Variants in UGT3A1 observed in about 807,000 individuals in gnomAD.
The protein encoded by UGT3A1 is UDP glycosyltransferase family 3 member A1.
UGT3A1 carries 40 observed loss-of-function variants against 37.6 expected under a neutral mutation model. The ratio of observed to expected loss-of-function variants is 1.06; its 90% CI spans 0.83 to 1.38. The LOEUF is 1.38. UGT3A1 is among the 40% of genes most tolerant of loss of function. The pLI is 0.00. For synonymous variants in UGT3A1, 256 were observed against 232.3 expected (o/e 1.10, Z -0.93); for missense variants, 642 against 634.2 (o/e 1.01, Z -0.13).
rs114126964 is a variant in UGT3A1, at chr5:35,973,304, T to C, written c.197-5171A>G. On this transcript the variant is annotated intron_variant, in intron 2 of 6. Transcript: ENST00000274278. ...AAAGGTTACCCATAAGAAGGTTCAC[T>C]ATACACCAAAAGAACAATATGTATG... Among the ~76,000 whole-genome samples, 441 of 152,286 alleles carry C rather than the reference T, an allele frequency of 2.9e-3. 2 individuals are homozygous for C. The highest frequency in any genetic ancestry group is 0.01 in the African/African-American group (430 of 41,550).
intron 4 of UGT3A1, among the ~76,000 whole-genome samples, chr5:35,959,517 A>G (rs1739492255): frequency 6.6e-6 from 1 of 152,234 alleles, no homozygotes; most frequent in Non-Finnish European, 1.5e-5. Flanking sequence ...CTTTCAATTT[A>G]AAACAGGAAA....
chr5:35,967,330 A>C (rs981657096), intron 3 of UGT3A1, among the ~76,000 whole-genome samples: 7 of 152,222 alleles, frequency 4.6e-5, no homozygotes, highest in Admixed American at 2.0e-4. Context: ...AGAATTTTCA[A>C]GGAAAGCAAA....
At chr5:35,970,444 C>T (rs1042121015) in intron 2 of UGT3A1, among the ~76,000 whole-genome samples, 4 of 150,744 alleles carry the variant, frequency 2.7e-5, no homozygotes, top group Admixed American at 6.6e-5. Flanking sequence ...ATCACAAGAA[C>T]GGCACAGGAA....
chr5:35,998,406 C>A (rs1356017675), intron 1 of UGT3A1, among the ~76,000 whole-genome samples: 4 of 152,210 alleles, frequency 2.6e-5, no homozygotes, highest in African/African-American at 9.6e-5. Context: ...TACCCCCTTA[C>A]CATTTTTGTG....
upstream of UGT3A1, among the ~76,000 whole-genome samples, chr5:35,993,499 A>G (rs921623400): frequency 5.9e-5 from 9 of 152,054 alleles, no homozygotes; most frequent in African/African-American, 2.2e-4. Context: ...AGCCAGACAA[A>G]GGCATGAATG....
intron 4 of UGT3A1, among the ~76,000 whole-genome samples, chr5:35,959,440 G>A (rs1739489336): frequency 6.6e-6 from 1 of 151,842 alleles, no homozygotes. Context: ...GGAAAACATG[G>A]GAAAAAAACT....
chr5:35,959,877 C>T (rs1739509324), intron 4 of UGT3A1, among the ~76,000 whole-genome samples: 1 of 152,116 alleles, frequency 6.6e-6, no homozygotes, highest in Non-Finnish European at 1.5e-5. Context: ...AAAGTCAAGT[C>T]TCCAAAGTCA....
chr5:35,981,646 T>G (rs1181238183), intron 2 of UGT3A1, among the ~76,000 whole-genome samples: 8 of 152,206 alleles, frequency 5.3e-5, no homozygotes, highest in Admixed American at 5.2e-4. Context: ...AGAACTTATA[T>G]TTCACTGGGA....
At chr5:35,998,283 T>C (rs1362818461) in intron 1 of UGT3A1, among the ~76,000 whole-genome samples, 1 of 152,262 alleles carries the variant, frequency 6.6e-6, no homozygotes, top group Non-Finnish European at 1.5e-5. Context: ...CAGAGACCTA[T>C]TGGCAATTGT....
intron 2 of UGT3A1, among the ~76,000 whole-genome samples, chr5:35,978,705 T>A (rs1262114295): frequency 6.6e-6 from 1 of 152,056 alleles, no homozygotes; most frequent in Non-Finnish European, 1.5e-5. Context: ...CACTCCCAAA[T>A]CTCACGTCCT....
chr5:35,987,887 C>A (rs1476314390), intron 2 of UGT3A1, among the ~76,000 whole-genome samples: 1 of 152,160 alleles, frequency 6.6e-6, no homozygotes, highest in African/African-American at 2.4e-5. Context: ...ATTTTAGTTA[C>A]AATTCTTTGG....
chr5:35,971,582 C>T (rs1740039804), intron 2 of UGT3A1, among the ~76,000 whole-genome samples: 1 of 151,934 alleles, frequency 6.6e-6, no homozygotes, highest in African/African-American at 2.4e-5. Flanking sequence ...GAAAACTGAG[C>T]CTAGGGTCTG....
chr5:35,965,284 T>G, intron 4 of UGT3A1, 102 bp downstream of exon 4: 1 of 1,509,950 alleles, frequency 6.6e-7, no homozygotes, highest in Non-Finnish European at 8.9e-7. Flanking sequence ...CCTTTGCCAA[T>G]CCCTACTTCA....
chr5:35,958,805 G>A (rs1739459732), intron 4 of UGT3A1, among the ~76,000 whole-genome samples: 1 of 152,230 alleles, frequency 6.6e-6, no homozygotes, highest in African/African-American at 2.4e-5. Flanking sequence ...GCCAGAAGGA[G>A]CAGAATAGAA....
chr5:35,964,307 CA>C (rs1739708987), intron 4 of UGT3A1, among the ~76,000 whole-genome samples: 1 of 152,070 alleles, frequency 6.6e-6, no homozygotes, highest in Non-Finnish European at 1.5e-5. Context: ...TTTATTCATG[CA>C]ATTGAATCTT....
At chr5:35,988,939 G>T (rs1740832251) in intron 1 of UGT3A1, among the ~76,000 whole-genome samples, 1 of 152,212 alleles carries the variant, frequency 6.6e-6, no homozygotes, top group East Asian at 1.9e-4. Context: ...TGCAATGATA[G>T]AAAATACAGC....
chr5:35,973,068 G>C (rs190874081), intron 2 of UGT3A1, among the ~76,000 whole-genome samples: 9 of 152,294 alleles, frequency 5.9e-5, no homozygotes, highest in Middle Eastern at 3.4e-3. Flanking sequence ...CATATGGGCA[G>C]ATCCTATGAA....
At position 35,974,055 on chromosome 5, in the gene UGT3A1, G is replaced by A. The variant is rs528466577; in HGVS notation, c.197-5922C>T. Among the ~76,000 whole-genome samples, 4 of 152,230 alleles carry A rather than the reference G, an allele frequency of 2.6e-5. No individual in the cohort carries two copies. In the South Asian group the frequency reaches 8.3e-4, roughly 32 times the overall value. On this transcript the variant is annotated intron_variant, in intron 2 of 6. Coordinates refer to ENST00000274278, the MANE Select transcript of UGT3A1 (RefSeq NM_152404.4). ...AAAACACAGACCTCAGACAGTTTAT[G>A]GACACAGAAGCCCTGGAAACAAGAG...
chr5:35,958,933 T>C (rs560827430), intron 4 of UGT3A1, among the ~76,000 whole-genome samples: 41 of 152,250 alleles, frequency 2.7e-4, no homozygotes, highest in Non-Finnish European at 4.7e-4. Context: ...ACAGAAGTCA[T>C]AGAAAGCAGT....
Sources: allele counts gnomAD v4.1 joint callset (sites outside exome capture counted in the v4.1 genomes callset), GRCh38; gene constraint gnomAD v4.1.1; transcripts MANE v1.5; gene names NCBI Gene and HGNC (gene_info 2026-07-23, HGNC 2026-07-21).